RYR3: variants seen among roughly 807,000 people sequenced by gnomAD.
RYR3 encodes ryanodine receptor 3.
Under a neutral mutation model 584.3 loss-of-function variants are expected in RYR3, and 207 were observed. That is an observed-to-expected ratio of 0.35 (90% confidence interval 0.32 to 0.40). RYR3 has a LOEUF of 0.40. Among genes scored for constraint, RYR3 ranks in the 10% least tolerant of loss-of-function variants. The pLI is 1.00. For missense variants in RYR3, 5,616 were observed against 6,089.2 expected (o/e 0.92, Z 2.59); for synonymous variants, 2,416 against 2,248.5 (o/e 1.07, Z -2.11).
intron 1 of RYR3, among the ~76,000 whole-genome samples, chr15:33,382,411 C>T (rs1016543449): frequency 1.4e-5 from 2 of 143,742 alleles, no homozygotes; most frequent in Non-Finnish European, 3.0e-5. Context: ...GCAACTTCCG[C>T]CTCCTGGGTT....
chr15:33,496,683 C>G (rs1195563924), intron 2 of RYR3, among the ~76,000 whole-genome samples: 1 of 152,044 alleles, frequency 6.6e-6, no homozygotes, highest in Non-Finnish European at 1.5e-5. Flanking sequence ...TTGGATCATT[C>G]ATTAAACAAA....
intron 1 of RYR3, among the ~76,000 whole-genome samples, chr15:33,327,471 A>G (rs997254985): frequency 4.6e-5 from 7 of 152,224 alleles, no homozygotes; most frequent in Non-Finnish European, 5.9e-5. Flanking sequence ...CCATTTGGTT[A>G]TATCTAATAG....
At chr15:33,501,812 C>T (rs1204259253) in intron 2 of RYR3, among the ~76,000 whole-genome samples, 1 of 152,186 alleles carries the variant, frequency 6.6e-6, no homozygotes, top group African/African-American at 2.4e-5. Context: ...GGACATGAAG[C>T]TCTGCCCTGC....
chr15:33,698,369 G>A (rs2066011788), intron 40 of RYR3, among the ~76,000 whole-genome samples: 1 of 152,206 alleles, frequency 6.6e-6, no homozygotes, highest in African/African-American at 2.4e-5. Context: ...GATCTCAATA[G>A]TGATCCTGGC....
intron 27 of RYR3, among the ~76,000 whole-genome samples, chr15:33,642,786 C>A (rs764650461): frequency 1.3e-5 from 2 of 152,178 alleles, no homozygotes; most frequent in African/African-American, 2.4e-5. Flanking sequence ...TCCAAGGGAC[C>A]AGTCCGTTGA....
intron 1 of RYR3, among the ~76,000 whole-genome samples, chr15:33,446,868 A>G (rs755491524): frequency 6.6e-6 from 1 of 152,196 alleles, no homozygotes; most frequent in African/African-American, 2.4e-5. Flanking sequence ...CTTCTCTTAC[A>G]TATATTGTAG....
chr15:33,823,681 C>G (rs1282111601), intron 81 of RYR3, among the ~76,000 whole-genome samples: 2 of 152,098 alleles, frequency 1.3e-5, no homozygotes, highest in Non-Finnish European at 1.5e-5. Flanking sequence ...CTGAATGGCT[C>G]TGACACATAA....
chr15:33,602,141 A>G (rs1024888285), intron 17 of RYR3, among the ~76,000 whole-genome samples: 15 of 152,180 alleles, frequency 9.9e-5, no homozygotes, highest in African/African-American at 2.9e-4. Flanking sequence ...AGGCCTACAC[A>G]CTAATCCACA....
chr15:33,669,854 G>T (rs11638252), intron 37 of RYR3, among the ~76,000 whole-genome samples: 956 of 35,984 alleles, frequency 0.027, 102 homozygotes, highest in South Asian at 0.05. Flanking sequence ...GGGGGGGGGG[G>T]GGGGTGTGGG....
intron 1 of RYR3, among the ~76,000 whole-genome samples, chr15:33,339,422 A>C (rs1971535135): frequency 6.6e-6 from 1 of 152,220 alleles, no homozygotes; most frequent in Non-Finnish European, 1.5e-5. Context: ...AGATGACAGA[A>C]GTGTCTTCCA....
At chr15:33,789,986 C>CTTTTTATTT (rs2075051125) in intron 67 of RYR3, among the ~76,000 whole-genome samples, 1 of 53,250 alleles carries the variant, frequency 1.9e-5, no homozygotes, top group Non-Finnish European at 3.1e-5. Flanking sequence ...GCCTGGCCTT[C>CTTTTTATTT]TTTTTTTTTT....
chr15:33,840,783 G>A (rs1433962813), intron 89 of RYR3, 42 bp from the exon 90 acceptor site: 16 of 1,597,802 alleles, frequency 1.0e-5, no homozygotes, highest in Admixed American at 3.4e-5. Context: ...TCATGACCTC[G>A]CTTCTTTGAG....
intron 32 of RYR3, among the ~76,000 whole-genome samples, chr15:33,657,483 C>G (rs970253052): frequency 5.9e-5 from 9 of 152,226 alleles, no homozygotes; most frequent in African/African-American, 1.7e-4. Context: ...ACAAGTTGTT[C>G]TAGATGTCAC....
intron 38 of RYR3, among the ~76,000 whole-genome samples, chr15:33,693,233 C>T (rs552227473): frequency 1.9e-3 from 296 of 152,340 alleles, no homozygotes; most frequent in African/African-American, 6.9e-3. Context: ...TATTGGTGGT[C>T]GCCTCTGTGA....
chr15:33,575,335 G>T (rs147763340), intron 12 of RYR3, among the ~76,000 whole-genome samples: 1 of 152,124 alleles, frequency 6.6e-6, no homozygotes, highest in Non-Finnish European at 1.5e-5. Flanking sequence ...TCTTCTCAGT[G>T]CCACATGACA....
intron 32 of RYR3, among the ~76,000 whole-genome samples, chr15:33,656,093 C>G (rs959803246): frequency 2.0e-5 from 3 of 152,332 alleles, no homozygotes; most frequent in Middle Eastern, 3.4e-3. Context: ...TCCAGGCACA[C>G]CAGTCTGAGA....
chr15:33,339,640 A>C (rs1287020043), intron 1 of RYR3, among the ~76,000 whole-genome samples: 1 of 152,218 alleles, frequency 6.6e-6, no homozygotes, highest in Non-Finnish European at 1.5e-5. Context: ...CTGTAATCCC[A>C]GCACTTTGGG....
chr15:33,724,462 C>T (rs1371918559), intron 45 of RYR3, among the ~76,000 whole-genome samples: 1 of 152,166 alleles, frequency 6.6e-6, no homozygotes, highest in Non-Finnish European at 1.5e-5. Flanking sequence ...TGACATGCCT[C>T]AATTTGGTCA....
rs61996336 is a variant in RYR3, at chr15:33,788,444, C to T, written c.9816C>T (p.Tyr3272=). 0.024 allele frequency: 39,144 copies of T among 1,613,704 alleles called. 608 individuals are homozygous for T. The highest frequency in any genetic ancestry group is 0.03 in the Non-Finnish European group (34,973 of 1,179,634). ...CCTTCTACCCCATGCTGATCCGCTA[C>T]GTGGACAACAACAGGTACGGAGGAG... is the stretch of plus-strand genomic sequence containing the variant. The part of the protein sequence containing the change: ...LYAFYPMLIR[Y]VDNNRSNWLK... Residue 3272 remains tyrosine (Y), a synonymous_variant, in exon 67 of 104, where the codon TAC becomes TAT. Coordinates refer to ENST00000634891, the MANE Select transcript of RYR3 (RefSeq NM_001036.6).
Sources: gnomAD v4.1 joint callset for allele counts (sites outside exome capture counted in the v4.1 genomes callset) on GRCh38, gnomAD v4.1.1 for gene constraint, MANE v1.5 for transcripts, NCBI Gene and HGNC (gene_info 2026-07-23, HGNC 2026-07-21) for gene names.